FHL1: variants seen among roughly 807,000 people sequenced by gnomAD.
The protein encoded by FHL1 is four and a half LIM domains 1.
FHL1 carries 1 observed loss-of-function variant against 20.3 expected under a neutral mutation model. The observed-to-expected ratio is 0.05, with a 90% CI of 0.02 to 0.23. FHL1 has a LOEUF of 0.23. Ranked by LOEUF, FHL1 falls within the 10% of genes least tolerant of loss-of-function variation. The probability of loss-of-function intolerance (pLI) is 1.00; values close to 1 mark genes in which losing one functional copy is unlikely to be tolerated. For missense variants in FHL1, 177 were observed against 234.0 expected (o/e 0.76, Z 1.59); for synonymous variants, 82 against 88.9 (o/e 0.92, Z 0.44).
intron 2 of FHL1, among the ~76,000 whole-genome samples, chrX:136,181,864 T>C (rs2073165663): frequency 8.9e-6 from 1 of 112,161 alleles, no homozygotes; most frequent in South Asian, 3.7e-4. Context: ...CATCCCTCCA[T>C]CCATCAGTCT....
rs1309047900 is a variant in FHL1, at chrX:136,210,667, T to C, written c.*642T>C. The C allele has an allele frequency of 2.6e-6, 1 of 390,015 alleles. No individual in the cohort carries two copies. Among genetic ancestry groups the C allele is most frequent in the Non-Finnish European group, 4.8e-6 (1 of 206,982 alleles). 32.1% of individuals were successfully genotyped at this position (390,015 alleles called of 1,213,427 possible). A position where few individuals can be genotyped will look rare whatever the true frequency, so the allele number is the denominator to read the frequency against. ...CCCCGTGTGGCATGTTTTCTGAGCG[T>C]TCCTACTTTAAAGCATGGAACATGC... is the stretch of plus-strand genomic sequence containing the variant. On this transcript the variant is annotated 3_prime_UTR_variant, in exon 6 of 6. Transcript: ENST00000370683.
intron 1 of FHL1, among the ~76,000 whole-genome samples, chrX:136,160,494 G>C (rs781663501): frequency 9.0e-5 from 10 of 111,287 alleles, no homozygotes; most frequent in Non-Finnish European, 1.9e-4. Context: ...AGTGACGATC[G>C]TGGCTCACTG....
At chrX:136,162,124 A>AAAAC (rs2072586006) in intron 1 of FHL1, among the ~76,000 whole-genome samples, 1 of 102,695 alleles carries the variant, frequency 9.7e-6, no homozygotes, top group Non-Finnish European at 2.0e-5. Context: ...CCCTGTCTCA[A>AAAAC]AAAAAAAAAA....
At chrX:136,168,460 C>G (rs1214634018), upstream of FHL1, among the ~76,000 whole-genome samples, 2 of 111,795 alleles carry the variant, frequency 1.8e-5, no homozygotes, top group African/African-American at 6.5e-5. Flanking sequence ...ATGAAACAAT[C>G]CAGATTCATA....
intron 2 of FHL1, among the ~76,000 whole-genome samples, chrX:136,175,149 T>C (rs1403296427): frequency 8.9e-6 from 1 of 112,155 alleles, no homozygotes; most frequent in Non-Finnish European, 1.9e-5. Flanking sequence ...AACTGTTGGC[T>C]GAATGAATTA....
upstream of FHL1, chrX:136,147,143 A>AG (rs967726951): frequency 8.7e-5 from 17 of 194,673 alleles, no homozygotes; most frequent in Admixed American, 1.0e-3. Context: ...TGCGCGAGGG[A>AG]GGGGGCCCGA....
chrX:136,199,336 G>GT (rs1209089001), intron 1 of FHL1, among the ~76,000 whole-genome samples: 7 of 110,921 alleles, frequency 6.3e-5, no homozygotes, highest in Non-Finnish European at 1.1e-4. Flanking sequence ...AAAAAGATTT[G>GT]TTTTTTTTCT....
At chrX:136,180,844 C>T (rs1190160461) in intron 2 of FHL1, among the ~76,000 whole-genome samples, 1 of 111,338 alleles carries the variant, frequency 9.0e-6, no homozygotes, top group Non-Finnish European at 1.9e-5. Context: ...CAGGTTGAAG[C>T]GATTCTCCTG....
chrX:136,197,165 A>G (rs201118605), intron 1 of FHL1, 31 bp downstream of exon 1: 1 of 1,185,313 alleles, frequency 8.4e-7, no homozygotes, highest in Non-Finnish European at 1.1e-6. Context: ...TCTTATATTG[A>G]GCACAGTTTT....
At chrX:136,163,993 G>A (rs946388012) in intron 1 of FHL1, among the ~76,000 whole-genome samples, 12 of 111,761 alleles carry the variant, frequency 1.1e-4, no homozygotes, top group Non-Finnish European at 2.1e-4. Flanking sequence ...TTTGGGAGCT[G>A]CTGTAATAGT....
upstream of FHL1, among the ~76,000 whole-genome samples, chrX:136,169,133 C>G (rs1486780421): frequency 9.0e-6 from 1 of 111,709 alleles, no homozygotes; most frequent in Non-Finnish European, 1.9e-5. Flanking sequence ...TGATCACACT[C>G]CCTTTCTCCT....
intron 5 of FHL1, chrX:136,209,181 A>G (rs1039061577): frequency 2.2e-5 from 25 of 1,124,572 alleles, no homozygotes; most frequent in Non-Finnish European, 2.7e-5. Flanking sequence ...CTTGCCTCCA[A>G]TTTTCCCATC....
At chrX:136,150,494 C>CT (rs369145099) in intron 1 of FHL1, among the ~76,000 whole-genome samples, 39 of 111,449 alleles carry the variant, frequency 3.5e-4, no homozygotes, top group African/African-American at 6.9e-4. Flanking sequence ...GCCTACTGAA[C>CT]TTTTTTTTGT....
At chrX:136,201,528 A>G (rs1025617321) in intron 1 of FHL1, among the ~76,000 whole-genome samples, 1 of 110,791 alleles carries the variant, frequency 9.0e-6, no homozygotes, top group African/African-American at 3.3e-5. Flanking sequence ...CCAATTACCC[A>G]CCTCCTGAGA....
intron 2 of FHL1, among the ~76,000 whole-genome samples, chrX:136,188,738 T>TG (rs1344154302): frequency 9.1e-6 from 1 of 110,480 alleles, no homozygotes; most frequent in East Asian, 2.9e-4. Flanking sequence ...GGGGTGGGTA[T>TG]GGGGGATTGA....
rs182502201 is a variant in FHL1 at position 136,172,639 on chromosome X, G to A, written c.-27+2659G>A. On this transcript the variant is annotated intron_variant, in intron 2 of 6. Transcript: ENST00000394153. ...AAATGAAAATAAATGTAAACTGTGC[G>A]TTTCACACTCTATTTTTAAAACGTT... 9.9e-4 allele frequency among the ~76,000 whole-genome samples: 112 copies of A among 113,093 alleles called. 1 individual carries two copies. The highest frequency in any genetic ancestry group is 3.4e-3 in the African/African-American group (105 of 31,228).
chrX:136,191,333 G>A (rs1307738231), intron 2 of FHL1, among the ~76,000 whole-genome samples: 1 of 112,291 alleles, frequency 8.9e-6, no homozygotes, highest in Non-Finnish European at 1.9e-5. Context: ...TGGCAGATGG[G>A]AGCCAAGTGA....
intron 1 of FHL1, 144 bp from the exon 2 acceptor site, chrX:136,206,263 C>T: frequency 1.4e-6 from 1 of 710,879 alleles, no homozygotes; most frequent in Non-Finnish European, 2.2e-6. Context: ...GCCTGGTAGT[C>T]AGCTCGGCTG....
intron 2 of FHL1, among the ~76,000 whole-genome samples, chrX:136,189,034 A>G (rs2073374248): frequency 8.9e-6 from 1 of 111,860 alleles, no homozygotes; most frequent in Admixed American, 9.5e-5. Context: ...TTTATAGCCA[A>G]CTTAAGCTCA....
Sources: gnomAD v4.1 joint callset for allele counts (sites outside exome capture counted in the v4.1 genomes callset) on GRCh38, gnomAD v4.1.1 for gene constraint, MANE v1.5 for transcripts, NCBI Gene and HGNC (gene_info 2026-07-23, HGNC 2026-07-21) for gene names.